TRIM44: variants seen among roughly 807,000 people sequenced by gnomAD.
TRIM44 encodes the protein tripartite motif-containing protein 44.
Under a neutral mutation model 37.4 loss-of-function variants are expected in TRIM44, and 13 were observed. The ratio of observed to expected loss-of-function variants is 0.35; its 90% CI spans 0.23 to 0.55. The LOEUF (loss-of-function observed/expected upper bound fraction) is 0.55, where lower values mean the gene tolerates loss of function less well. Ranked by LOEUF, TRIM44 falls within the 20% of genes least tolerant of loss-of-function variation. The probability of loss-of-function intolerance (pLI) is 0.89; values close to 1 mark genes in which losing one functional copy is unlikely to be tolerated. For synonymous variants in TRIM44, 175 were observed against 157.2 expected, an observed-to-expected ratio of 1.11 and a Z score of -0.85; for missense variants, 426 against 437.2, an observed-to-expected ratio of 0.97 and a Z score of 0.23.
chr11:35,729,125 T>C (rs566451358), intron 3 of TRIM44, among the ~76,000 whole-genome samples: 3 of 151,934 alleles, frequency 2.0e-5, no homozygotes, highest in Non-Finnish European at 4.4e-5. Flanking sequence ...TTCCTATGTA[T>C]GCTAGCCTGG....
chr11:35,688,478 C>T (rs2099859259), intron 2 of TRIM44, among the ~76,000 whole-genome samples: 1 of 152,104 alleles, frequency 6.6e-6, no homozygotes, highest in Non-Finnish European at 1.5e-5. Flanking sequence ...CCACTGTTAA[C>T]AGTTTAGTAT....
intron 2 of TRIM44, among the ~76,000 whole-genome samples, chr11:35,703,392 G>A (rs1205346049): frequency 6.6e-6 from 1 of 152,208 alleles, no homozygotes; most frequent in East Asian, 1.9e-4. Context: ...GTCTTTGACA[G>A]CTTTGAAGAG....
At chr11:35,781,088 A>G (rs1024381467) in intron 4 of TRIM44, among the ~76,000 whole-genome samples, 2 of 152,190 alleles carry the variant, frequency 1.3e-5, no homozygotes, top group African/African-American at 4.8e-5. Flanking sequence ...AAGCTACTAT[A>G]GCTACAATGT....
chr11:35,705,352 A>T (rs1188017196), intron 2 of TRIM44, among the ~76,000 whole-genome samples: 1 of 152,180 alleles, frequency 6.6e-6, no homozygotes, highest in Non-Finnish European at 1.5e-5. Flanking sequence ...AGACAGATCA[A>T]CGAGACAGAA....
intron 4 of TRIM44, among the ~76,000 whole-genome samples, chr11:35,762,951 T>TA (rs1205721117): frequency 1.3e-5 from 2 of 152,092 alleles, no homozygotes; most frequent in African/African-American, 2.4e-5. Context: ...TTCATTCAGT[T>TA]AAAAAAAATT....
chr11:35,731,692 T>C (rs2135518884), intron 3 of TRIM44, among the ~76,000 whole-genome samples: 1 of 152,298 alleles, frequency 6.6e-6, no homozygotes, highest in South Asian at 2.1e-4. Context: ...AAAATTGGTG[T>C]GTCTTTATTT....
chr11:35,712,273 C>T (rs1851984188), intron 2 of TRIM44, among the ~76,000 whole-genome samples: 1 of 152,118 alleles, frequency 6.6e-6, no homozygotes, highest in African/African-American at 2.4e-5. Context: ...ATGAAGCAGA[C>T]TCCCTAGTTA....
intron 2 of TRIM44, among the ~76,000 whole-genome samples, chr11:35,692,956 G>A (rs527536835): frequency 4.5e-4 from 68 of 151,994 alleles, no homozygotes; most frequent in Admixed American, 1.8e-3. Flanking sequence ...AACTTTAGCC[G>A]AATTAAATTT....
At position 35,722,816 on chromosome 11, in the gene TRIM44, C is replaced by T. The variant is rs114833147; in HGVS notation, c.748-3108C>T. Among the ~76,000 whole-genome samples the T allele has an allele frequency of 8.3e-3, 1,258 of 152,228 alleles. 16 individuals are homozygous for T. The highest frequency in any genetic ancestry group is 0.028 in the African/African-American group (1,169 of 41,524). On this transcript the variant is annotated intron_variant, in intron 2 of 4. Transcript: ENST00000299413. ...CCCAGTAGGTCTCAGTCTTATTTTA[C>T]CCAGCCTGTATTCAAAATGGAGTGG...
At chr11:35,686,326 A>G (rs1440325149) in intron 2 of TRIM44, among the ~76,000 whole-genome samples, 1 of 151,294 alleles carries the variant, frequency 6.6e-6, no homozygotes, top group Admixed American at 6.6e-5. Flanking sequence ...TAAATAGGGA[A>G]AGGCGCATGA....
At position 35,729,747 on chromosome 11, in the gene TRIM44, A is replaced by G. The variant is rs545972214; in HGVS notation, c.987+3584A>G. On this transcript the variant is annotated intron_variant, in intron 3 of 4. Transcript: ENST00000299413. ...ATAGTTCACAAAAAGGATCCAGGAC[A>G]TGCATTCTGAATCTAAACAGGTTGA... 2.6e-5 allele frequency among the ~76,000 whole-genome samples: 4 copies of G among 152,360 alleles called. No individual in the cohort carries two copies. In the South Asian group the frequency reaches 8.3e-4, roughly 32 times the overall value.
At chr11:35,779,191 C>G (rs1014833160) in intron 4 of TRIM44, among the ~76,000 whole-genome samples, 9 of 152,228 alleles carry the variant, frequency 5.9e-5, no homozygotes, top group Non-Finnish European at 1.3e-4. Flanking sequence ...CGATCTCTGA[C>G]TGCTGTGCTT....
chr11:35,685,706 C>G (rs754675467), intron 2 of TRIM44, among the ~76,000 whole-genome samples: 1 of 152,088 alleles, frequency 6.6e-6, no homozygotes, highest in Non-Finnish European at 1.5e-5. Flanking sequence ...CTCTGTTGCC[C>G]AGGCTGGAGT....
intron 4 of TRIM44, among the ~76,000 whole-genome samples, chr11:35,736,928 G>GTA (rs1242163724): frequency 6.6e-6 from 1 of 152,072 alleles, no homozygotes; most frequent in African/African-American, 2.4e-5. Context: ...TACATCCTGG[G>GTA]TATATCATGG....
chr11:35,796,690 C>T (rs953184505), intron 4 of TRIM44, among the ~76,000 whole-genome samples: 10 of 152,184 alleles, frequency 6.6e-5, no homozygotes, highest in Middle Eastern at 3.4e-3. Context: ...GATAGAAAAT[C>T]CAGCAGCACT....
At chr11:35,689,660 C>T (rs930545504) in intron 2 of TRIM44, among the ~76,000 whole-genome samples, 4 of 152,090 alleles carry the variant, frequency 2.6e-5, no homozygotes, top group African/African-American at 9.7e-5. Context: ...TGTGTCTGTA[C>T]TTGGATTTTT....
Position 35,663,398 on chromosome 11 carries a change from GGGAAGAGAGTGAGTCGGA to G in TRIM44, c.297_314del (p.Ser107_Glu112del), listed in dbSNP as rs765488670. On this transcript the variant is annotated inframe_deletion, in exon 1 of 5. Transcript: ENST00000299413. Reference sequence around the variant, plus strand: ...GAGAGGGAGATAGAAAGCGAGGCAGGGGAAGAGAGTGAGTCGGAGGAAGAGAGCGAGTCAGAGGAAGAG... The same window carrying G: ...GAGAGGGAGATAGAAAGCGAGGCAGGGGAAGAGAGCGAGTCAGAGGAAGAG... 1,001 of 1,600,534 alleles carry G rather than the reference GGGAAGAGAGTGAGTCGGA, an allele frequency of 6.3e-4. No individual in the cohort carries two copies. Among genetic ancestry groups the G allele is most frequent in the Non-Finnish European group, 7.6e-4 (896 of 1,172,964 alleles).
chr11:35,714,193 G>A (rs980721428), intron 2 of TRIM44, among the ~76,000 whole-genome samples: 1 of 152,044 alleles, frequency 6.6e-6, no homozygotes, highest in African/African-American at 2.4e-5. Context: ...ATACCATATG[G>A]GAGGCACACA....
intron 1 of TRIM44, among the ~76,000 whole-genome samples, chr11:35,664,103 A>C (rs892439195): frequency 2.6e-5 from 4 of 152,102 alleles, no homozygotes; most frequent in African/African-American, 9.7e-5. Context: ...CAGCATCACT[A>C]TTGTTGAAAC....
Sources: gnomAD v4.1 joint callset for allele counts (sites outside exome capture counted in the v4.1 genomes callset) on GRCh38, gnomAD v4.1.1 for gene constraint, MANE v1.5 for transcripts, NCBI Gene and HGNC (gene_info 2026-07-23, HGNC 2026-07-21) for gene names.